The following SERPINA9 variants were observed in gnomAD, a reference collection of about 807,000 sequenced individuals.
The protein encoded by SERPINA9 is serpin A9.
A neutral mutation model predicts 24.5 loss-of-function variants in SERPINA9; 32 were observed. The observed-to-expected ratio is 1.30, with a 90% CI of 0.98 to 1.75. The LOEUF is 1.75. Among genes scored for constraint, SERPINA9 ranks in the 40% most tolerant of loss-of-function variants. The pLI is 0.00. For synonymous variants in SERPINA9, 233 were observed against 197.7 expected (o/e 1.18, Z -1.50); for missense variants, 594 against 497.1 (o/e 1.19, Z -1.85).
At position 94,469,767 on chromosome 14, in the gene SERPINA9, T is replaced by C. The variant is rs201652235; in HGVS notation, c.74A>G (p.Asn25Ser). 3.3e-5 allele frequency: 51 copies of C among 1,557,024 alleles called. No homozygotes were observed. Among genetic ancestry groups the C allele is most frequent in the Admixed American group, 5.6e-5 (3 of 53,644 alleles). Residue 25 changes from asparagine to serine, a missense_variant, in exon 2 of 5, where the codon AAT becomes AGT. Asn to Ser is a conservative substitution (Grantham distance 46). Coordinates refer to ENST00000674397, the MANE Select transcript of SERPINA9 (RefSeq NM_175739.4). ...CAPIYCVSPA[N>S]APSAYPRPSS... ...AGGGCGGGGGTATGCACTGGGGGCA[T>C]TGGCCGGGGACACACAGTAGATTGG...
chr14:94,475,816 A>ACT lies in SERPINA9; in HGVS notation c.-18+318_-18+319dup, dbSNP rs1899603779. The ACT allele has an allele frequency of 7.3e-6, 3 of 409,952 alleles. No homozygotes were observed. In the South Asian group the frequency reaches 1.5e-4, roughly 20 times the overall value. The allele number at this position is 409,952 out of a possible 1,614,324, so 25.4% of individuals were successfully genotyped here. A position where few individuals can be genotyped will look rare whatever the true frequency, so the allele number is the denominator to read the frequency against. On this transcript the variant is annotated intron_variant, in intron 1 of 4. Transcript: ENST00000674397. Reference sequence around the variant, plus strand: ...CCAACAACGACACAACAACAAAAACACTCCTTTCACCCTCTCATTTGCTTC... The same window carrying ACT: ...CCAACAACGACACAACAACAAAAACACTCTCCTTTCACCCTCTCATTTGCTTC...
chr14:94,475,007 T>A (rs1899515164), intron 1 of SERPINA9, among the ~76,000 whole-genome samples: 1 of 152,138 alleles, frequency 6.6e-6, no homozygotes, highest in Non-Finnish European at 1.5e-5. Flanking sequence ...CCCAGCTGCA[T>A]CTTTGAGGAC....
rs774654639 is a variant in SERPINA9 at position 94,469,565 on chromosome 14, G to A, written c.276C>T (p.Thr92=). The stretch of plus-strand genomic sequence containing the variant: ...TGAAGCCCAGGCCCTGGAGAATCTG[G>A]GTCTTGGTGACTGAGTGGGCCCCAA... ...LSLGAHSVTK[T]QILQGLGFNL... is the part of the protein sequence containing the mutation. The change falls in exon 2 of 5, where the codon ACC becomes ACT. Residue 92 remains threonine, a synonymous_variant. Transcript: ENST00000674397. The A allele has an allele frequency of 4.3e-6, 7 of 1,614,016 alleles. No individual in the cohort carries two copies. In the East Asian group the frequency reaches 8.9e-5, roughly 21 times the overall value.
At chr14:94,468,584 G>A (rs1218909816) in intron 2 of SERPINA9, among the ~76,000 whole-genome samples, 1 of 152,186 alleles carries the variant, frequency 6.6e-6, no homozygotes, top group Non-Finnish European at 1.5e-5. Flanking sequence ...CACATGCTGA[G>A]GATCATAGAG....
chr14:94,468,201 C>A (rs1192546820), intron 2 of SERPINA9, among the ~76,000 whole-genome samples: 2 of 150,806 alleles, frequency 1.3e-5, no homozygotes, highest in Non-Finnish European at 3.0e-5. Flanking sequence ...TGAATGGATG[C>A]ATGGATGGAT....
At chr14:94,465,187 C>T (rs536166399) in intron 3 of SERPINA9, among the ~76,000 whole-genome samples, 6 of 152,242 alleles carry the variant, frequency 3.9e-5, no homozygotes, top group East Asian at 1.9e-4. Context: ...ACTCACTGTC[C>T]GGAATACCTC....
rs1048986165 is a variant in SERPINA9 at position 94,472,367 on chromosome 14, T to C, written c.-17-2510A>G. Among the ~76,000 whole-genome samples the C allele has an allele frequency of 4.0e-5, 6 of 150,896 alleles. No homozygotes were observed. The South Asian group carries it at 1.0e-3, about 26-fold the overall frequency. ...CACTCTGGAAGACTCTACTTAGCTA[T>C]TACCGGCTTGAGAGGCCCTCCCTGG... On this transcript the variant is annotated intron_variant, in intron 1 of 4. Coordinates refer to ENST00000674397, the MANE Select transcript of SERPINA9 (RefSeq NM_175739.4).
At position 94,467,143 on chromosome 14, in the gene SERPINA9, T is replaced by G; in HGVS notation, c.868A>C (p.Thr290Pro). Reference protein sequence around the residue: ...RQLEQALSARTLRKWSHSLQK... With the variant: ...RQLEQALSARPLRKWSHSLQK... ...AGTGAGTGGCTCCACTTTCTCAGTGTTCTGGCTGACAAGGCCTGTTCCAGT... is the reference window on the plus strand; with the variant it reads ...AGTGAGTGGCTCCACTTTCTCAGTGGTCTGGCTGACAAGGCCTGTTCCAGT... The change falls in exon 3 of 5, where the codon ACA becomes CCA. Residue 290 changes from threonine to proline, a missense_variant. Transcript: ENST00000674397. The G allele has an allele frequency of 6.2e-7, 1 of 1,614,158 alleles. No homozygotes were observed. Among genetic ancestry groups the G allele is most frequent in the Non-Finnish European group, 8.5e-7 (1 of 1,180,002 alleles).
chr14:94,473,625 T>C (rs1172253905), intron 1 of SERPINA9, among the ~76,000 whole-genome samples: 1 of 151,802 alleles, frequency 6.6e-6, no homozygotes, highest in Non-Finnish European at 1.5e-5. Flanking sequence ...TCTTATTTGA[T>C]GAGCTCTGTG....
Position 94,467,355 on chromosome 14 carries a change from T to G in SERPINA9, c.656A>C (p.Glu219Ala). The change falls in exon 3 of 5, where the codon GAA becomes GCA. Residue 219 changes from glutamate to alanine, a missense_variant. By Grantham distance (107) the Glu-to-Ala change is moderately radical. Coordinates refer to ENST00000674397, the MANE Select transcript of SERPINA9 (RefSeq NM_175739.4). ...KAKWEKPFHP[E>A]YTRKNFPFLV... ...GAATGGGAAGTTCTTTCTTGTATAT[T>G]CAGGGTGAAAGGGCTTCTCCCACTT... 6.2e-7 allele frequency: 1 copy of G among 1,612,434 alleles called. No individual in the cohort carries two copies.
At chr14:94,475,944 C>A in intron 1 of SERPINA9, 192 bp downstream of exon 1, 1 of 704,132 alleles carries the variant, frequency 1.4e-6, no homozygotes, top group Non-Finnish European at 2.4e-6. Flanking sequence ...CTCACTGGTC[C>A]ACTCCAGCCT....
At position 94,469,759 on chromosome 14, in the gene SERPINA9, TG is replaced by T. The variant is rs749867725; in HGVS notation, c.81del (p.Ser28ValfsTer46). 3.8e-6 allele frequency: 6 copies of T among 1,560,334 alleles called. No individual in the cohort carries two copies. Among genetic ancestry groups the T allele is most frequent in the South Asian group, 1.2e-5 (1 of 82,130 alleles). ...GTGGAGGAAGGGCGGGGGTATGCAC[TG>T]GGGGCATTGGCCGGGGACACACAGT... ...PIYCVSPANAPSAYPRPSSTK... is the reference protein window; with the variant it reads ...PIYCVSPANAXSAYPRPSSTK... On this transcript the variant is annotated frameshift_variant, in exon 2 of 5. Transcript: ENST00000674397. LOFTEE classifies it high-confidence loss of function.
At chr14:94,475,026 T>A (rs576745076) in intron 1 of SERPINA9, among the ~76,000 whole-genome samples, 1 of 152,260 alleles carries the variant, frequency 6.6e-6, no homozygotes, top group Non-Finnish European at 1.5e-5. Context: ...ACCCAGCTGT[T>A]TGCATTCCTC....
At chr14:94,467,553 T>C (rs1334698904) in intron 2 of SERPINA9, among the ~76,000 whole-genome samples, 171 bp from the exon 3 acceptor site, 2 of 152,212 alleles carry the variant, frequency 1.3e-5, no homozygotes, top group African/African-American at 4.8e-5. Context: ...GTGAATATAC[T>C]AAAAAGCAAT....
chr14:94,475,113 G>T (rs1899521957), intron 1 of SERPINA9, among the ~76,000 whole-genome samples: 1 of 151,968 alleles, frequency 6.6e-6, no homozygotes, highest in Admixed American at 6.5e-5. Flanking sequence ...AATCTACTGT[G>T]CTTCACCCCC....
chr14:94,469,824 T>G lies in SERPINA9; in HGVS notation c.17A>C (p.Tyr6Ser). The change falls in exon 2 of 5, where the codon TAT becomes TCT. Residue 6 changes from tyrosine to serine, a missense_variant. Tyr to Ser is a moderately radical substitution (Grantham distance 144). Coordinates refer to ENST00000674397, the MANE Select transcript of SERPINA9 (RefSeq NM_175739.4). MASYL[Y>S]GVLFAVGLCA... ...GAGGCCAACAGCAAAGAGTACTCCATAAAGGTAAGATGCCATTTTGGAACA... is the reference window on the plus strand; with the variant it reads ...GAGGCCAACAGCAAAGAGTACTCCAGAAAGGTAAGATGCCATTTTGGAACA... 1 of 1,514,100 alleles carries G rather than the reference T, an allele frequency of 6.6e-7. No individual in the cohort carries two copies. The highest frequency in any genetic ancestry group is 8.8e-7 in the Non-Finnish European group (1 of 1,132,104). 93.8% of individuals were successfully genotyped at this position (1,514,100 alleles called of 1,614,324 possible).
At chr14:94,472,036 T>C (rs1487951940) in intron 1 of SERPINA9, among the ~76,000 whole-genome samples, 2 of 152,162 alleles carry the variant, frequency 1.3e-5, no homozygotes, top group Non-Finnish European at 2.9e-5. Flanking sequence ...GACGATCTAC[T>C]GGGAGATAGA....
Position 94,469,388 on chromosome 14 carries a change from A to G in SERPINA9, c.453T>C (p.Asn151=). Residue 151 remains asparagine, a synonymous_variant, in exon 2 of 5, where the codon AAT becomes AAC. Coordinates refer to ENST00000674397, the MANE Select transcript of SERPINA9 (RefSeq NM_175739.4). ...ELQLQANFLG[N]VKRLYEAEVF... ...CTTCTGCTTCATACAGCCTCTTGAC[A>G]TTGCCCAAGAAATTTGCCTGCAGCT... The G allele has an allele frequency of 1.2e-6, 2 of 1,614,116 alleles. No homozygotes were observed. The highest frequency in any genetic ancestry group is 8.5e-7 in the Non-Finnish European group (1 of 1,180,026).
chr14:94,464,535 C>A, intron 4 of SERPINA9, 172 bp downstream of exon 4: 1 of 602,858 alleles, frequency 1.7e-6, no homozygotes, highest in Non-Finnish European at 2.9e-6. Context: ...ACAGATGCTG[C>A]ATGCCAGAGG....
Sources: allele counts gnomAD v4.1 joint callset (sites outside exome capture counted in the v4.1 genomes callset), GRCh38; gene constraint gnomAD v4.1.1; transcripts MANE v1.5; gene names NCBI Gene and HGNC (gene_info 2026-07-23, HGNC 2026-07-21).